The following PLXDC2 variants were observed in gnomAD, a reference collection of about 807,000 sequenced individuals.
PLXDC2 encodes the protein plexin domain-containing protein 2.
PLXDC2 carries 40 observed loss-of-function variants against 68.9 expected under a neutral mutation model. The ratio of observed to expected loss-of-function variants is 0.58; its 90% CI spans 0.45 to 0.76. The LOEUF (loss-of-function observed/expected upper bound fraction) is 0.76, where lower values mean the gene tolerates loss of function less well. Among genes scored for constraint, PLXDC2 ranks in the 30% least tolerant of loss-of-function variants. PLXDC2 has a pLI of 0.00. For missense variants in PLXDC2, 644 were observed against 661.9 expected, an observed-to-expected ratio of 0.97 and a Z score of 0.30; for synonymous variants, 243 against 234.2, an observed-to-expected ratio of 1.04 and a Z score of -0.34.
At chr10:20,187,376 C>T in intron 9 of PLXDC2, among the ~76,000 whole-genome samples, 1 of 151,648 alleles carries the variant, frequency 6.6e-6, no homozygotes, top group Non-Finnish European at 1.5e-5. Context: ...CAATTATACA[C>T]ATTTATAGGG....
chr10:20,124,243 C>T (rs1006632770), intron 4 of PLXDC2, among the ~76,000 whole-genome samples: 1 of 151,898 alleles, frequency 6.6e-6, no homozygotes, highest in African/African-American at 2.4e-5. Context: ...TCTGGGTCCA[C>T]GGATAAAACG....
intron 1 of PLXDC2, among the ~76,000 whole-genome samples, chr10:19,901,015 GTA>G (rs1480333558): frequency 1.4e-5 from 2 of 138,714 alleles, no homozygotes; most frequent in African/African-American, 5.6e-5. Flanking sequence ...GTGTGTGTGT[GTA>G]TTCATACATA....
At position 20,044,239 on chromosome 10, in the gene PLXDC2, T is replaced by G. The variant is rs932308800; in HGVS notation, c.325-2630T>G. Among the ~76,000 whole-genome samples, 83 of 103,294 alleles carry G rather than the reference T, an allele frequency of 8.0e-4. 1 individual carries two copies. Among genetic ancestry groups the G allele is most frequent in the African/African-American group, 3.4e-3 (71 of 20,788 alleles). 67.8% of individuals were successfully genotyped at this position (103,294 alleles called of 152,430 possible). A position where few individuals can be genotyped will look rare whatever the true frequency, so the allele number is the denominator to read the frequency against. On this transcript the variant is annotated intron_variant, in intron 2 of 13. Coordinates refer to ENST00000377252, the MANE Select transcript of PLXDC2 (RefSeq NM_032812.9). ...TTTCTTTCTTTCTTTCTTTCTTTCT[T>G]TCTTTCTTTCTTTCTTTCTTTCTTT...
intron 13 of PLXDC2, among the ~76,000 whole-genome samples, chr10:20,247,160 C>G (rs908703384): frequency 3.9e-5 from 6 of 151,916 alleles, no homozygotes; most frequent in Non-Finnish European, 8.8e-5. Context: ...TCTAGTTCCT[C>G]CATCAAAAAT....
In PLXDC2 at chr10:19,918,855, T is replaced by C. The variant is rs116368586; in HGVS notation, c.113-82920T>C. On this transcript the variant is annotated intron_variant, in intron 1 of 13. Transcript: ENST00000377252. ...CAAGTAATAGATTGCTAAGCATTTC[T>C]CAATCGTTAAGAAGTTATTTCATCA... Among the ~76,000 whole-genome samples, 605 of 152,360 alleles carry C rather than the reference T, an allele frequency of 4.0e-3. 1 individual carries two copies. Among genetic ancestry groups the C allele is most frequent in the African/African-American group, 0.014 (570 of 41,590 alleles).
intron 3 of PLXDC2, among the ~76,000 whole-genome samples, chr10:20,054,520 T>C (rs1376676835): frequency 1.3e-5 from 2 of 151,864 alleles, no homozygotes; most frequent in East Asian, 3.9e-4. Flanking sequence ...GACAGATATA[T>C]TAATAGATGG....
At chr10:20,158,473 T>C (rs2131808279) in intron 6 of PLXDC2, among the ~76,000 whole-genome samples, 1 of 142,590 alleles carries the variant, frequency 7.0e-6, no homozygotes, top group South Asian at 2.3e-4. Flanking sequence ...TTTTACAGCC[T>C]GGGTAACATA....
At chr10:19,971,121 C>T (rs10160098) in intron 1 of PLXDC2, among the ~76,000 whole-genome samples, 1,701 of 152,230 alleles carry the variant, frequency 0.011, 32 homozygotes, top group African/African-American at 0.04. Flanking sequence ...ATTGATAATA[C>T]AGCCCGTTGG....
At chr10:20,172,398 C>T (rs936574454) in intron 7 of PLXDC2, among the ~76,000 whole-genome samples, 12 of 152,298 alleles carry the variant, frequency 7.9e-5, no homozygotes, top group African/African-American at 2.9e-4. Context: ...CACAGGCCCG[C>T]AGCCCACCTG....
chr10:19,822,205 T>C (rs1049896525), intron 1 of PLXDC2, among the ~76,000 whole-genome samples: 1 of 149,118 alleles, frequency 6.7e-6, no homozygotes, highest in Non-Finnish European at 1.5e-5. Flanking sequence ...ATATGCACTA[T>C]ATATAATATA....
intron 1 of PLXDC2, among the ~76,000 whole-genome samples, chr10:19,877,810 A>T (rs373897919): frequency 1.1e-4 from 16 of 152,358 alleles, no homozygotes; most frequent in African/African-American, 3.1e-4. Flanking sequence ...TAATTATTTC[A>T]GTGCTTGAAG....
chr10:20,066,531 A>C (rs1836215856), intron 3 of PLXDC2, among the ~76,000 whole-genome samples: 1 of 152,212 alleles, frequency 6.6e-6, no homozygotes, highest in Admixed American at 6.5e-5. Context: ...CTTTGAGATA[A>C]ATGATCCTGC....
intron 7 of PLXDC2, among the ~76,000 whole-genome samples, chr10:20,172,349 C>T (rs1171650835): frequency 6.6e-6 from 1 of 151,854 alleles, no homozygotes; most frequent in African/African-American, 2.4e-5. Context: ...ACACCAGGTT[C>T]AGGACAAGCA....
chr10:19,922,047 C>T (rs947022250), intron 1 of PLXDC2, among the ~76,000 whole-genome samples: 1 of 151,942 alleles, frequency 6.6e-6, no homozygotes, highest in African/African-American at 2.4e-5. Context: ...TTAGTAGAGA[C>T]GAGGTTTCAC....
chr10:20,044,979 G>C (rs946823625), intron 2 of PLXDC2, among the ~76,000 whole-genome samples: 1 of 152,218 alleles, frequency 6.6e-6, no homozygotes, highest in Non-Finnish European at 1.5e-5. Context: ...CAAACTATCC[G>C]TGTCATTATG....
At chr10:20,196,304 G>A (rs1040292121) in intron 9 of PLXDC2, among the ~76,000 whole-genome samples, 1 of 152,166 alleles carries the variant, frequency 6.6e-6, no homozygotes, top group Non-Finnish European at 1.5e-5. Context: ...TAAAGAGGCT[G>A]AAGTCCTGAC....
intron 12 of PLXDC2, among the ~76,000 whole-genome samples, chr10:20,243,199 G>T (rs1040140435): frequency 6.6e-6 from 1 of 152,168 alleles, no homozygotes; most frequent in Non-Finnish European, 1.5e-5. Flanking sequence ...AGGCCAGACT[G>T]CTGGTGTGTG....
At chr10:20,267,327 A>G (rs1235416936) in intron 13 of PLXDC2, among the ~76,000 whole-genome samples, 2 of 152,190 alleles carry the variant, frequency 1.3e-5, no homozygotes, top group African/African-American at 4.8e-5. Flanking sequence ...TATTTTATAT[A>G]TAAGAACATG....
At chr10:20,021,905 G>C (rs745904893) in intron 2 of PLXDC2, among the ~76,000 whole-genome samples, 7 of 151,870 alleles carry the variant, frequency 4.6e-5, no homozygotes, top group African/African-American at 7.3e-5. Context: ...CACCACGTTG[G>C]TCAGGCTGGT....
Sources: gnomAD v4.1 joint callset for allele counts (sites outside exome capture counted in the v4.1 genomes callset) on GRCh38, gnomAD v4.1.1 for gene constraint, MANE v1.5 for transcripts, NCBI Gene and HGNC (gene_info 2026-07-23, HGNC 2026-07-21) for gene names.